DGKB: variants seen among roughly 807,000 people sequenced by gnomAD.
DGKB encodes the protein 90 kDa diacylglycerol kinase.
Under a neutral mutation model 114.3 loss-of-function variants are expected in DGKB, and 67 were observed. The ratio of observed to expected loss-of-function variants is 0.59; its 90% CI spans 0.48 to 0.72. The LOEUF (loss-of-function observed/expected upper bound fraction) is 0.72. Among genes scored for constraint, DGKB ranks in the 30% least tolerant of loss-of-function variants. The pLI is 0.00. For missense variants in DGKB, 907 were observed against 975.2 expected (o/e 0.93, Z 0.93); for synonymous variants, 398 against 323.1 (o/e 1.23, Z -2.49).
chr7:14,513,284 T>C (rs1350822319), intron 20 of DGKB, among the ~76,000 whole-genome samples: 2 of 152,042 alleles, frequency 1.3e-5, no homozygotes, highest in Admixed American at 1.3e-4. Context: ...AGAATAAAGC[T>C]AAAAGTTCTC....
At chr7:14,489,880 C>A (rs1429840290) in intron 20 of DGKB, among the ~76,000 whole-genome samples, 1 of 151,988 alleles carries the variant, frequency 6.6e-6, no homozygotes, top group African/African-American at 2.4e-5. Context: ...AGGATATAAG[C>A]CTGCAATTGA....
chr7:14,213,612 C>T (rs1035196411), intron 23 of DGKB, among the ~76,000 whole-genome samples: 1 of 152,134 alleles, frequency 6.6e-6, no homozygotes, highest in African/African-American at 2.4e-5. Context: ...TGATGCAAAC[C>T]ATTGCAGAAG....
At chr7:14,295,011 C>CTA (rs1802317435) in intron 23 of DGKB, among the ~76,000 whole-genome samples, 1 of 152,100 alleles carries the variant, frequency 6.6e-6, no homozygotes, top group African/African-American at 2.4e-5. Context: ...GAAGGGCATC[C>CTA]ATCAACAGGT....
chr7:14,294,801 C>T (rs891436849), intron 23 of DGKB, among the ~76,000 whole-genome samples: 2 of 152,140 alleles, frequency 1.3e-5, no homozygotes, highest in African/African-American at 4.8e-5. Flanking sequence ...GAGACTAGAA[C>T]TGCCTTTCAA....
intron 1 of DGKB, among the ~76,000 whole-genome samples, chr7:14,964,365 T>C (rs1474805759): frequency 6.6e-6 from 1 of 152,008 alleles, no homozygotes; most frequent in Admixed American, 6.6e-5. Flanking sequence ...ATTAGCTGGG[T>C]AGATTGCACC....
intron 20 of DGKB, among the ~76,000 whole-genome samples, chr7:14,499,822 A>G (rs1785861518): frequency 6.6e-6 from 1 of 150,964 alleles, no homozygotes; most frequent in African/African-American, 2.5e-5. Context: ...TAGTGTAGTA[A>G]GATAAAGGAA....
chr7:14,750,793 CTTTTTTT>C lies in DGKB; in HGVS notation c.168+3128_168+3134del, dbSNP rs1016534410. Reference sequence around the variant, plus strand: ...TCCCTTGAAAAAGCTATTTCTATTTCTTTTTTTTTTTTTTTTTTTTTTTCTGAGACAG... The same window carrying C: ...TCCCTTGAAAAAGCTATTTCTATTTCTTTTTTTTTTTTTTTTCTGAGACAG... On this transcript the variant is annotated intron_variant, in intron 4 of 25. Coordinates refer to ENST00000402815, the MANE Select transcript of DGKB (RefSeq NM_001350709.2). 8.6e-4 allele frequency among the ~76,000 whole-genome samples: 77 copies of C among 89,530 alleles called. 1 individual carries two copies. In the East Asian group the frequency reaches 0.022, roughly 25 times the overall value. 58.7% of individuals were successfully genotyped at this position (89,530 alleles called of 152,430 possible). A position where few individuals can be genotyped will look rare whatever the true frequency, so the allele number is the denominator to read the frequency against.
chr7:14,322,671 A>G (rs2128539704), intron 23 of DGKB, among the ~76,000 whole-genome samples: 1 of 152,340 alleles, frequency 6.6e-6, no homozygotes, highest in Non-Finnish European at 1.5e-5. Context: ...TAGGCAAGGC[A>G]CACAGTGAAA....
chr7:14,854,130 A>C (rs559841429), intron 1 of DGKB, among the ~76,000 whole-genome samples: 2 of 152,116 alleles, frequency 1.3e-5, no homozygotes, highest in Non-Finnish European at 2.9e-5. Flanking sequence ...TATATTACCC[A>C]TAGGATTATA....
At chr7:14,229,455 A>G (rs1319408335) in intron 23 of DGKB, among the ~76,000 whole-genome samples, 1 of 152,050 alleles carries the variant, frequency 6.6e-6, no homozygotes, top group Non-Finnish European at 1.5e-5. Context: ...AAGTACAGTA[A>G]GAATACGGTA....
At position 14,841,349 on chromosome 7, in the gene DGKB, C is replaced by CA; in HGVS notation, c.-87dup. 8.7e-7 allele frequency: 1 copy of CA among 1,150,796 alleles called. No homozygotes were observed. The highest frequency in any genetic ancestry group is 1.3e-6 in the Non-Finnish European group (1 of 799,424). The allele number at this position is 1,150,796 out of a possible 1,614,324, so 71.3% of individuals were successfully genotyped here. On this transcript the variant is annotated 5_prime_UTR_variant, in exon 2 of 26. It removes an upstream start codon present in the reference 5' UTR. Coordinates refer to ENST00000402815, the MANE Select transcript of DGKB (RefSeq NM_001350709.2). ...AGAGGTCTATGCTTCAAAGATTCCA[C>CA]ATGGCATGTTTCATGATAAAATACC...
chr7:14,179,628 C>G (rs138699505), intron 23 of DGKB, among the ~76,000 whole-genome samples: 1 of 152,110 alleles, frequency 6.6e-6, no homozygotes, highest in Non-Finnish European at 1.5e-5. Flanking sequence ...CAGTGTAGTT[C>G]AACTGTGTGG....
chr7:14,715,499 A>T (rs1037778309), intron 6 of DGKB, among the ~76,000 whole-genome samples: 11 of 152,200 alleles, frequency 7.2e-5, no homozygotes, highest in African/African-American at 2.6e-4. Context: ...GGAGAGATAA[A>T]AATGGAATTC....
upstream of DGKB, among the ~76,000 whole-genome samples, chr7:14,905,240 G>C (rs968364482): frequency 1.6e-5 from 1 of 62,670 alleles, no homozygotes. Context: ...CATCCATCTT[G>C]TTAGTTTTTT....
At chr7:14,558,974 C>G (rs1321745543) in intron 20 of DGKB, among the ~76,000 whole-genome samples, 1 of 152,194 alleles carries the variant, frequency 6.6e-6, no homozygotes, top group Non-Finnish European at 1.5e-5. Flanking sequence ...AGAGTTGAAG[C>G]AATTGAACAA....
chr7:14,892,051 A>G (rs1781321679), intron 1 of DGKB, among the ~76,000 whole-genome samples: 1 of 151,406 alleles, frequency 6.6e-6, no homozygotes, highest in Non-Finnish European at 1.5e-5. Flanking sequence ...TGTGCAATAG[A>G]GCTATTTATA....
chr7:14,830,885 ATTTG>A (rs1233975590), intron 2 of DGKB, among the ~76,000 whole-genome samples: 2 of 151,448 alleles, frequency 1.3e-5, no homozygotes, highest in African/African-American at 4.9e-5. Context: ...GATAACTAAT[ATTTG>A]TAAGAAAAAC....
At chr7:14,151,517 CTCAT>C (rs1782208015) in intron 25 of DGKB, among the ~76,000 whole-genome samples, 1 of 151,622 alleles carries the variant, frequency 6.6e-6, no homozygotes, top group African/African-American at 2.4e-5. Flanking sequence ...AGCACAGTAT[CTCAT>C]TCAGTGCTCT....
chr7:14,911,998 T>C (rs1054309534), intron 1 of DGKB, among the ~76,000 whole-genome samples: 3 of 152,200 alleles, frequency 2.0e-5, no homozygotes, highest in Non-Finnish European at 2.9e-5. Flanking sequence ...TCTGGTTGTT[T>C]TGTACTTGTT....
Sources: allele counts gnomAD v4.1 joint callset (sites outside exome capture counted in the v4.1 genomes callset), GRCh38; gene constraint gnomAD v4.1.1; transcripts MANE v1.5; gene names NCBI Gene and HGNC (gene_info 2026-07-23, HGNC 2026-07-21).